Variants in SETBP1 observed in about 807,000 individuals in gnomAD.
SETBP1 encodes the protein SET-binding protein.
Under a neutral mutation model 101.0 loss-of-function variants are expected in SETBP1, and 9 were observed. The ratio of observed to expected loss-of-function variants is 0.09; its 90% CI spans 0.05 to 0.16. SETBP1 has a LOEUF of 0.16. Among genes scored for constraint, SETBP1 ranks in the 10% least tolerant of loss-of-function variants. The pLI is 1.00. For missense variants in SETBP1, 1,858 were observed against 2,033.8 expected, an observed-to-expected ratio of 0.91 and a Z score of 1.66; for synonymous variants, 818 against 788.5, an observed-to-expected ratio of 1.04 and a Z score of -0.63.
chr18:45,005,403 A>G (rs937647070), intron 4 of SETBP1, among the ~76,000 whole-genome samples: 7 of 152,172 alleles, frequency 4.6e-5, no homozygotes, highest in African/African-American at 1.4e-4. Context: ...TCATAAGACC[A>G]TGGGGTCAAC....
At chr18:44,837,270 G>A (rs1452533400) in intron 2 of SETBP1, among the ~76,000 whole-genome samples, 1 of 152,186 alleles carries the variant, frequency 6.6e-6, no homozygotes, top group Non-Finnish European at 1.5e-5. Flanking sequence ...CATTCTGGCT[G>A]GAGGAGGGTC....
intron 4 of SETBP1, chr18:44,988,200 A>T (rs1158466094): frequency 6.6e-6 from 1 of 152,228 alleles, no homozygotes; most frequent in Non-Finnish European, 1.5e-5. Context: ...TAAAATTCAC[A>T]TCATAGGATA....
At chr18:44,988,884 T>C (rs1024039299) in intron 4 of SETBP1, 4 of 152,164 alleles carry the variant, frequency 2.6e-5, no homozygotes, top group African/African-American at 9.7e-5. Context: ...TCAAAATAGG[T>C]ACTTGCTTTG....
chr18:44,919,347 C>CTTTT (rs537734514), intron 3 of SETBP1, among the ~76,000 whole-genome samples: 3 of 138,842 alleles, frequency 2.2e-5, no homozygotes, highest in East Asian at 2.1e-4. Context: ...ATCCCCCCAT[C>CTTTT]TTTTTTTTTT....
Position 44,952,093 on chromosome 18 carries a change from G to A in SETBP1, c.2753G>A (p.Arg918Gln), listed in dbSNP as rs781033681. Residue 918 changes from arginine (R) to glutamine (Q), a missense_variant, in exon 4 of 6, where the codon CGG (arginine) becomes CAG (glutamine). Physicochemically the swap from Arg to Gln is conservative, Grantham distance 43. This residue lies in a region of SETBP1 where 255 missense variants were observed against 300.1 expected (regional missense o/e 0.85). Transcript: ENST00000649279. The part of the protein sequence containing the change: ...DTSTKNRHGH[R>Q]QKHLIVDNFL... ...AGCACAAAGAACCGGCATGGCCACCGGCAAAAGCATCTCATTGTGGACAAC... is the reference window on the plus strand; with the variant it reads ...AGCACAAAGAACCGGCATGGCCACCAGCAAAAGCATCTCATTGTGGACAAC... The A allele has an allele frequency of 1.9e-5, 31 of 1,613,920 alleles. No individual in the cohort carries two copies. Among genetic ancestry groups the A allele is most frequent in the African/African-American group, 4.0e-5 (3 of 74,870 alleles).
intron 2 of SETBP1, among the ~76,000 whole-genome samples, chr18:44,760,438 A>G (rs2070612673): frequency 6.6e-6 from 1 of 152,258 alleles, no homozygotes; most frequent in Admixed American, 6.5e-5. Context: ...AGCAGTGGCC[A>G]GCAAAAGCCA....
At chr18:44,998,043 G>A (rs1013825003) in intron 4 of SETBP1, among the ~76,000 whole-genome samples, 14 of 152,206 alleles carry the variant, frequency 9.2e-5, no homozygotes, top group African/African-American at 2.2e-4. Context: ...ACACGCAAAA[G>A]GCAGTGAGAG....
chr18:45,039,924 G>A (rs1447252741), intron 5 of SETBP1, among the ~76,000 whole-genome samples: 1 of 152,146 alleles, frequency 6.6e-6, no homozygotes, highest in East Asian at 1.9e-4. Context: ...TTGTGATAAA[G>A]GATGTTTTCA....
chr18:45,022,612 G>C (rs761551178), intron 4 of SETBP1, among the ~76,000 whole-genome samples: 2 of 152,064 alleles, frequency 1.3e-5, no homozygotes, highest in Non-Finnish European at 2.9e-5. Flanking sequence ...GGCAGATCAC[G>C]TGAGGTCAGG....
intron 3 of SETBP1, among the ~76,000 whole-genome samples, chr18:44,908,942 A>G (rs536948685): frequency 4.8e-4 from 73 of 152,318 alleles, no homozygotes; most frequent in Non-Finnish European, 8.5e-4. Context: ...CATTTTCAGA[A>G]AAATATATTT....
chr18:44,868,706 GGAAGGGAGGAAGGA>G (rs1568190507), intron 2 of SETBP1, among the ~76,000 whole-genome samples: 5,021 of 17,496 alleles, frequency 0.29, 493 homozygotes, highest in East Asian at 0.35. Flanking sequence ...GAGGACGGAA[GGAAGGGAGGAAGGA>G]AGGAAGGAAG....
intron 2 of SETBP1, among the ~76,000 whole-genome samples, chr18:44,850,525 C>G (rs1041128059): frequency 6.6e-6 from 1 of 152,106 alleles, no homozygotes; most frequent in Non-Finnish European, 1.5e-5. Context: ...CGAACGTCAC[C>G]ATGCTCAGCT....
At chr18:45,033,173 G>A (rs2073331545) in intron 4 of SETBP1, among the ~76,000 whole-genome samples, 1 of 152,066 alleles carries the variant, frequency 6.6e-6, no homozygotes, top group East Asian at 1.9e-4. Context: ...TATTAGCGAG[G>A]GAATTATTAT....
At chr18:44,773,553 A>G (rs1040936666) in intron 2 of SETBP1, among the ~76,000 whole-genome samples, 3 of 152,222 alleles carry the variant, frequency 2.0e-5, no homozygotes, top group African/African-American at 4.8e-5. Flanking sequence ...TGCAACGTCA[A>G]TAGAAACAAA....
At chr18:44,829,664 G>A (rs1003974083) in intron 2 of SETBP1, among the ~76,000 whole-genome samples, 1 of 152,200 alleles carries the variant, frequency 6.6e-6, no homozygotes, top group African/African-American at 2.4e-5. Context: ...GTAGAAATTA[G>A]TGGTCTGGTG....
At chr18:44,872,689 G>A (rs1319371430) in intron 3 of SETBP1, among the ~76,000 whole-genome samples, 1 of 152,244 alleles carries the variant, frequency 6.6e-6, no homozygotes, top group East Asian at 1.9e-4. Flanking sequence ...CTACAAGAAT[G>A]TGCAGGCTGC....
At chr18:44,875,641 T>C (rs192976208) in intron 3 of SETBP1, among the ~76,000 whole-genome samples, 25 of 152,164 alleles carry the variant, frequency 1.6e-4, no homozygotes, top group African/African-American at 5.8e-4. Flanking sequence ...TTCACCCTGC[T>C]TTTGGCTCAA....
chr18:44,800,745 T>C (rs1011172577), intron 2 of SETBP1, among the ~76,000 whole-genome samples: 4 of 152,086 alleles, frequency 2.6e-5, no homozygotes, highest in South Asian at 2.1e-4. Context: ...CTGGAGTGAG[T>C]ACCTGCCCCA....
intron 2 of SETBP1, 25 bp from the exon 3 acceptor site, chr18:44,869,205 A>AG (rs1484050665): frequency 6.2e-7 from 1 of 1,612,868 alleles, no homozygotes; most frequent in Non-Finnish European, 8.5e-7. Context: ...AGTGTCACTG[A>AG]GAAAATTTCT....
Sources: gnomAD v4.1 joint callset for allele counts (sites outside exome capture counted in the v4.1 genomes callset) on GRCh38, gnomAD v4.1.1 for gene constraint, gnomAD v4.1.1 regional missense constraint, MANE v1.5 for transcripts, NCBI Gene and HGNC (gene_info 2026-07-23, HGNC 2026-07-21) for gene names.